Variants in HMCN1 observed in about 807,000 individuals in gnomAD.
HMCN1 encodes hemicentin 1.
In HMCN1, 321 loss-of-function variants were observed where a neutral mutation model predicts 625.9. The observed-to-expected ratio is 0.51, with a 90% CI of 0.47 to 0.56. HMCN1 has a LOEUF of 0.56. HMCN1 is among the 20% of genes least tolerant of loss of function. The pLI is 0.00. For synonymous variants in HMCN1, 2,425 were observed against 2,417.6 expected, an observed-to-expected ratio of 1.00 and a Z score of -0.09; for missense variants, 6,588 against 6,887.3, an observed-to-expected ratio of 0.96 and a Z score of 1.54.
chr1:186,080,140 A>T (rs1294380788), intron 55 of HMCN1, among the ~76,000 whole-genome samples: 3 of 152,210 alleles, frequency 2.0e-5, no homozygotes, highest in Non-Finnish European at 4.4e-5. Flanking sequence ...TATTATCTGA[A>T]GTATAATAAA....
chr1:185,859,803 C>A (rs1158437034), intron 2 of HMCN1, among the ~76,000 whole-genome samples: 2 of 151,870 alleles, frequency 1.3e-5, no homozygotes, highest in African/African-American at 4.8e-5. Flanking sequence ...GTAGCTGGGA[C>A]TAGGCACATG....
Position 186,130,112 on chromosome 1 carries a change from C to T in HMCN1, c.13039+12C>T, listed in dbSNP as rs778133023. 1.9e-5 allele frequency: 31 copies of T among 1,612,644 alleles called. No individual in the cohort carries two copies. Among genetic ancestry groups the T allele is most frequent in the South Asian group, 1.1e-4 (10 of 91,062 alleles). ...TGTTTATGTGAAAGGTAGGGAAAAG[C>T]GCTCCATTTTTAATTTATAATGCAT... On this transcript the variant is annotated intron_variant, in intron 84 of 106. Coordinates refer to ENST00000271588, the MANE Select transcript of HMCN1 (RefSeq NM_031935.3).
intron 1 of HMCN1, among the ~76,000 whole-genome samples, chr1:185,811,425 A>G (rs1025656161): frequency 6.8e-6 from 1 of 146,522 alleles, no homozygotes; most frequent in Non-Finnish European, 1.5e-5. Context: ...CCTCAGCTCT[A>G]AAAAAAAAAA....
At chr1:185,881,084 A>G (rs1370805880) in intron 4 of HMCN1, among the ~76,000 whole-genome samples, 2 of 152,194 alleles carry the variant, frequency 1.3e-5, no homozygotes, top group Admixed American at 1.3e-4. Flanking sequence ...CTGTTGACAG[A>G]TGGCTTGAAT....
chr1:185,956,632 G>A (rs142456378), intron 11 of HMCN1, among the ~76,000 whole-genome samples: 159 of 151,644 alleles, frequency 1.0e-3, no homozygotes, highest in Middle Eastern at 3.4e-3. Flanking sequence ...TTTTTTTTTG[G>A]TTTTGGTTTT....
intron 16 of HMCN1, 160 bp downstream of exon 16, chr1:185,978,141 G>A (rs962787547): frequency 3.2e-5 from 19 of 593,548 alleles, no homozygotes; most frequent in East Asian, 8.5e-5. Flanking sequence ...TTTTATATTC[G>A]GGAATTGTCA....
chr1:185,838,473 C>T (rs546462823), intron 1 of HMCN1, among the ~76,000 whole-genome samples: 14 of 152,218 alleles, frequency 9.2e-5, no homozygotes, highest in African/African-American at 3.1e-4. Flanking sequence ...TTCTTGTTCC[C>T]ATATACAGAT....
intron 10 of HMCN1, among the ~76,000 whole-genome samples, chr1:185,929,221 A>G (rs1667424034): frequency 6.6e-6 from 1 of 152,160 alleles, no homozygotes; most frequent in Middle Eastern, 3.2e-3. Flanking sequence ...ATGGAAGATA[A>G]TAATGAAAAT....
At chr1:186,082,812 G>T in intron 56 of HMCN1, 53 bp from the exon 57 acceptor site, 1 of 938,228 alleles carries the variant, frequency 1.1e-6, no homozygotes, top group South Asian at 1.8e-5. Flanking sequence ...AGACAAATAT[G>T]ACAAGTTGCT....
At chr1:186,069,918 G>A (rs898062402) in intron 51 of HMCN1, 142 bp downstream of exon 51, 2 of 687,244 alleles carry the variant, frequency 2.9e-6, no homozygotes, top group Non-Finnish European at 5.2e-6. Context: ...AAGGATGGAA[G>A]TTGAATTAAG....
intron 11 of HMCN1, among the ~76,000 whole-genome samples, chr1:185,958,275 C>T (rs1177376726): frequency 1.3e-5 from 2 of 152,044 alleles, no homozygotes; most frequent in African/African-American, 4.8e-5. Flanking sequence ...TGCACCACCA[C>T]ACCAGGTTAA....
chr1:185,874,808 T>G (rs1271570998), intron 4 of HMCN1, among the ~76,000 whole-genome samples: 2 of 152,026 alleles, frequency 1.3e-5, no homozygotes, highest in Non-Finnish European at 2.9e-5. Context: ...TTCATTAAAT[T>G]CTTTTTATTA....
intron 4 of HMCN1, among the ~76,000 whole-genome samples, chr1:185,889,022 C>T (rs1408271284): frequency 1.4e-5 from 2 of 144,922 alleles, no homozygotes; most frequent in East Asian, 1.9e-4. Context: ...AGAGGTCCTT[C>T]ACATCCCTTG....
Position 186,175,889 on chromosome 1 carries a change from AAAG to A in HMCN1, c.15943+1250_15943+1252del, listed in dbSNP as rs1424731883. Reference sequence around the variant, plus strand: ...GAAACTATGTCTCAAAAAAAAAAAAAAAGAAAGAAAAGAAAAGAAAAGAAAGAA... The same window carrying A: ...GAAACTATGTCTCAAAAAAAAAAAAAAAAGAAAAGAAAAGAAAAGAAAGAA... On this transcript the variant is annotated intron_variant, in intron 103 of 106. Transcript: ENST00000271588. Among the ~76,000 whole-genome samples, 158 of 142,868 alleles carry A rather than the reference AAAG, an allele frequency of 1.1e-3. 2 individuals are homozygous for A. In the South Asian group the frequency reaches 0.018, roughly 16 times the overall value. The allele number at this position is 142,868 out of a possible 152,430, so 93.7% of individuals were successfully genotyped here.
intron 11 of HMCN1, among the ~76,000 whole-genome samples, chr1:185,956,784 G>T (rs933437192): frequency 2.0e-5 from 3 of 152,144 alleles, no homozygotes; most frequent in Non-Finnish European, 2.9e-5. Context: ...TGGTGAATTA[G>T]CCCCATCCTG....
chr1:185,985,110 A>G (rs530774609), intron 19 of HMCN1, among the ~76,000 whole-genome samples: 6 of 152,268 alleles, frequency 3.9e-5, no homozygotes, highest in Non-Finnish European at 8.8e-5. Context: ...TCTATTGACA[A>G]TATCACTGAA....
chr1:185,953,161 G>C (rs528064698), intron 11 of HMCN1, among the ~76,000 whole-genome samples: 2 of 151,142 alleles, frequency 1.3e-5, no homozygotes, highest in African/African-American at 2.4e-5. Flanking sequence ...AGGGGTACTT[G>C]CCCCTCCCCC....
chr1:185,948,504 CT>C (rs1433083711), intron 11 of HMCN1, among the ~76,000 whole-genome samples: 13 of 150,718 alleles, frequency 8.6e-5, no homozygotes, highest in African/African-American at 2.9e-4. Context: ...AGTGGGGGTG[CT>C]TTTTGAGCCA....
At chr1:185,831,319 C>T (rs1464821394) in intron 1 of HMCN1, among the ~76,000 whole-genome samples, 2 of 152,008 alleles carry the variant, frequency 1.3e-5, no homozygotes, top group Non-Finnish European at 2.9e-5. Context: ...AGGCATTTAA[C>T]AAAATTAGTG....
Sources: gnomAD v4.1 joint callset for allele counts (sites outside exome capture counted in the v4.1 genomes callset) on GRCh38, gnomAD v4.1.1 for gene constraint, MANE v1.5 for transcripts, NCBI Gene and HGNC (gene_info 2026-07-23, HGNC 2026-07-21) for gene names.